The following FLACC1 variants were observed in gnomAD, a reference collection of about 807,000 sequenced individuals.
The protein encoded by FLACC1 is flagellum-associated coiled-coil domain-containing protein 1.
A neutral mutation model predicts 62.8 loss-of-function variants in FLACC1; 66 were observed. The observed-to-expected ratio is 1.05, with a 90% CI of 0.86 to 1.29. The LOEUF (loss-of-function observed/expected upper bound fraction) is 1.29, where lower values mean the gene tolerates loss of function less well. FLACC1 is among the 50% of genes most tolerant of loss of function. The probability of loss-of-function intolerance (pLI) is 0.00; values close to 1 mark genes in which losing one functional copy is unlikely to be tolerated. For synonymous variants in FLACC1, 156 were observed against 161.0 expected (o/e 0.97, Z 0.24); for missense variants, 452 against 489.1 (o/e 0.92, Z 0.71).
chr2:201,298,360 A>G (rs1394853967), intron 12 of FLACC1, among the ~76,000 whole-genome samples: 1 of 152,218 alleles, frequency 6.6e-6, no homozygotes, highest in Non-Finnish European at 1.5e-5. Context: ...AAAGGAATAT[A>G]AAAATATTCA....
chr2:201,355,844 A>G (rs1189125530), intron 1 of FLACC1, among the ~76,000 whole-genome samples: 1 of 152,188 alleles, frequency 6.6e-6, no homozygotes, highest in Non-Finnish European at 1.5e-5. Context: ...GGGTGACAGC[A>G]CAAGACCCTG....
At chr2:201,308,337 C>A (rs1364830446) in intron 10 of FLACC1, among the ~76,000 whole-genome samples, 1 of 152,164 alleles carries the variant, frequency 6.6e-6, no homozygotes, top group African/African-American at 2.4e-5. Context: ...CAGACAGGAG[C>A]AGCTCCCCCT....
intron 8 of FLACC1, 80 bp downstream of exon 8, chr2:201,330,656 G>A (rs1950575067): frequency 6.4e-7 from 1 of 1,550,890 alleles, no homozygotes; most frequent in African/African-American, 1.4e-5. Context: ...TGTGTGCCTT[G>A]GAAATCACCC....
chr2:201,288,563 A>T lies in FLACC1; in HGVS notation c.*92T>A. Reference sequence around the variant, plus strand: ...GCAACCCAAGAACTAAACTCATTATATGCATTTTCTCAAGAAAACCCTCCC... The same window carrying T: ...GCAACCCAAGAACTAAACTCATTATTTGCATTTTCTCAAGAAAACCCTCCC... On this transcript the variant is annotated 3_prime_UTR_variant, in exon 15 of 15. Coordinates refer to ENST00000392257, the MANE Select transcript of FLACC1 (RefSeq NM_001127391.3). 1.4e-6 allele frequency: 2 copies of T among 1,473,664 alleles called. No homozygotes were observed. The highest frequency in any genetic ancestry group is 2.6e-5 in the South Asian group (2 of 78,068). The allele number at this position is 1,473,664 out of a possible 1,614,324, so 91.3% of individuals were successfully genotyped here.
chr2:201,290,973 G>C (rs184821216), intron 12 of FLACC1, among the ~76,000 whole-genome samples: 2 of 152,150 alleles, frequency 1.3e-5, no homozygotes, highest in Non-Finnish European at 2.9e-5. Context: ...TGGCAGTGAG[G>C]CTGGTGGAGG....
At chr2:201,340,061 A>C (rs1312830804) in intron 7 of FLACC1, among the ~76,000 whole-genome samples, 1 of 152,134 alleles carries the variant, frequency 6.6e-6, no homozygotes, top group Non-Finnish European at 1.5e-5. Flanking sequence ...AGGTGCCAGC[A>C]ATGGTGGTAG....
At chr2:201,289,240 G>C (rs938020001) in intron 14 of FLACC1, among the ~76,000 whole-genome samples, 1 of 152,146 alleles carries the variant, frequency 6.6e-6, no homozygotes. Flanking sequence ...CAAGGACACA[G>C]GTGAATGGGA....
intron 9 of FLACC1, among the ~76,000 whole-genome samples, chr2:201,328,628 G>A (rs1019493256): frequency 6.6e-6 from 1 of 152,294 alleles, no homozygotes; most frequent in African/African-American, 2.4e-5. Flanking sequence ...GTTTTGCCAT[G>A]TTGGCCAGGC....
chr2:201,315,811 C>A (rs1462671924), intron 9 of FLACC1, among the ~76,000 whole-genome samples: 1 of 152,082 alleles, frequency 6.6e-6, no homozygotes, highest in Non-Finnish European at 1.5e-5. Context: ...GGCCACAAAA[C>A]AAGCCTCAAT....
intron 11 of FLACC1, among the ~76,000 whole-genome samples, chr2:201,304,188 T>A (rs1181756350): frequency 6.6e-6 from 1 of 152,174 alleles, no homozygotes; most frequent in Non-Finnish European, 1.5e-5. Context: ...AACCCCATCA[T>A]CTCTGCCCAA....
chr2:201,330,889 G>T, intron 7 of FLACC1, 56 bp from the exon 8 acceptor site: 3 of 1,441,394 alleles, frequency 2.1e-6, no homozygotes, highest in Non-Finnish European at 1.9e-6. Flanking sequence ...CCAGAGCTGA[G>T]CTGTTACCCT....
intron 9 of FLACC1, among the ~76,000 whole-genome samples, chr2:201,319,823 C>A (rs1576442252): frequency 1.3e-5 from 2 of 152,228 alleles, no homozygotes; most frequent in Non-Finnish European, 2.9e-5. Flanking sequence ...GAGATTCACA[C>A]TGAACTTTTT....
At chr2:201,344,379 G>T in intron 5 of FLACC1, 116 bp from the exon 6 acceptor site, 24 of 656,288 alleles carry the variant, frequency 3.7e-5, no homozygotes, top group Middle Eastern at 2.7e-4. Flanking sequence ...AGCTGGCCAT[G>T]TTCTGCACCT....
rs780895349 is a variant in FLACC1 at position 201,330,842 on chromosome 2, C to A, written c.525-9G>T. The A allele has an allele frequency of 6.2e-7, 1 of 1,610,726 alleles. No individual in the cohort carries two copies. The highest frequency in any genetic ancestry group is 8.5e-7 in the Non-Finnish European group (1 of 1,179,192). On this transcript the variant is annotated splice_polypyrimidine_tract_variant and intron_variant, in intron 7 of 14. Coordinates refer to ENST00000392257, the MANE Select transcript of FLACC1 (RefSeq NM_001127391.3). ...GGGCCTCTTTGAGCTCCCTGTGGGA[C>A]CCCAGGAGAAGGCCACAATCATTAG...
chr2:201,334,466 C>T (rs1236368709), intron 7 of FLACC1, among the ~76,000 whole-genome samples: 1 of 152,076 alleles, frequency 6.6e-6, no homozygotes, highest in Non-Finnish European at 1.5e-5. Flanking sequence ...GACTTGGTAT[C>T]AGAGTAATCC....
Position 201,288,418 on chromosome 2 carries a change from C to T in FLACC1, c.*237G>A. 2.5e-6 allele frequency: 1 copy of T among 393,482 alleles called. No homozygotes were observed. Among genetic ancestry groups the T allele is most frequent in the East Asian group, 4.0e-5 (1 of 25,304 alleles). 24.4% of individuals were successfully genotyped at this position (393,482 alleles called of 1,614,324 possible). On this transcript the variant is annotated 3_prime_UTR_variant, in exon 15 of 15. Transcript: ENST00000392257. ...ACGTCAAGGTAGAAGAAAAATAGTA[C>T]AAAACTCAGAGAAAGCTCAGCTCCC...
At chr2:201,314,010 G>A (rs1045496336) in intron 9 of FLACC1, among the ~76,000 whole-genome samples, 1 of 152,204 alleles carries the variant, frequency 6.6e-6, no homozygotes, top group East Asian at 1.9e-4. Context: ...CCTAGGAAAA[G>A]GGGGAGAGTA....
chr2:201,307,451 C>T, intron 11 of FLACC1, 68 bp downstream of exon 11: 2 of 1,175,454 alleles, frequency 1.7e-6, no homozygotes, highest in Non-Finnish European at 2.5e-6. Flanking sequence ...TATGGAGGCA[C>T]ACCTGGGGAC....
chr2:201,308,218 C>T (rs1950145054), intron 10 of FLACC1, among the ~76,000 whole-genome samples: 1 of 152,106 alleles, frequency 6.6e-6, no homozygotes, highest in African/African-American at 2.4e-5. Flanking sequence ...CCAAAACTGG[C>T]GGTTACATCT....
Sources: allele counts gnomAD v4.1 joint callset (sites outside exome capture counted in the v4.1 genomes callset), GRCh38; gene constraint gnomAD v4.1.1; transcripts MANE v1.5; gene names NCBI Gene and HGNC (gene_info 2026-07-23, HGNC 2026-07-21).